Variants in TBX5 observed in about 807,000 individuals in gnomAD.
TBX5 encodes T-box transcription factor 5, also known as T-box transcription factor TBX5.
TBX5 carries 8 observed loss-of-function variants against 51.1 expected under a neutral mutation model. That is an observed-to-expected ratio of 0.16 (90% CI 0.09 to 0.28). The LOEUF is 0.28. Ranked by LOEUF, TBX5 falls within the 10% of genes least tolerant of loss-of-function variation. The pLI, the probability that TBX5 is intolerant of heterozygous loss-of-function variation, is 1.00. For synonymous variants in TBX5, 302 were observed against 266.4 expected, an observed-to-expected ratio of 1.13 and a Z score of -1.30; for missense variants, 589 against 671.7, an observed-to-expected ratio of 0.88 and a Z score of 1.36.
intron 5 of TBX5, among the ~76,000 whole-genome samples, chr12:114,398,061 G>A (rs1336938941): frequency 6.6e-6 from 1 of 152,220 alleles, no homozygotes; most frequent in Non-Finnish European, 1.5e-5. Context: ...CCTAACCACA[G>A]ATCGAATTCA....
intron 7 of TBX5, among the ~76,000 whole-genome samples, chr12:114,371,597 T>G (rs1292430518): frequency 6.6e-6 from 1 of 150,900 alleles, no homozygotes; most frequent in Non-Finnish European, 1.5e-5. Context: ...GTTTTTTTTT[T>G]TTTTTTTTTC....
At chr12:114,384,370 G>C (rs1001485908) in intron 7 of TBX5, among the ~76,000 whole-genome samples, 1 of 151,948 alleles carries the variant, frequency 6.6e-6, no homozygotes. Context: ...CAAATTCCTG[G>C]GTTCAAGAAA....
At chr12:114,407,995 G>A (rs111233014), upstream of TBX5, 424 of 985,394 alleles carry the variant, frequency 4.3e-4, 1 homozygote, top group African/African-American at 6.9e-3. Context: ...TGTGGTCTCC[G>A]ACAAATTAAA....
intron 3 of TBX5, among the ~76,000 whole-genome samples, chr12:114,400,957 G>C (rs1871775092): frequency 6.6e-6 from 1 of 152,208 alleles, no homozygotes; most frequent in African/African-American, 2.4e-5. Context: ...GGTGGCTTGG[G>C]CCTACCGTTC....
In TBX5 at chr12:114,394,805, G is replaced by A. The variant is rs370771953; in HGVS notation, c.599C>T (p.Ala200Val). ...ENNGFGSKNT[A>V]FCTHVFPETA... is the part of the protein sequence containing the mutation. ...CTCAGGAAAGACGTGAGTGCAGAAC[G>A]CTGTATTTTTTGAGCCAAATCCATT... The change falls in exon 6 of 9, where the codon GCG (alanine) becomes GTG (valine). Residue 200 changes from alanine (A) to valine (V), a missense_variant. Around this residue, in one of 7 missense-constraint regions of TBX5, gnomAD observed 17 missense variants for 17.6 expected, o/e 0.96. Coordinates refer to ENST00000405440, the MANE Select transcript of TBX5 (RefSeq NM_181486.4). 9 of 1,614,038 alleles carry A rather than the reference G, an allele frequency of 5.6e-6. No homozygotes were observed. Among genetic ancestry groups the A allele is most frequent in the Non-Finnish European group, 5.9e-6 (7 of 1,180,042 alleles).
intron 8 of TBX5, among the ~76,000 whole-genome samples, chr12:114,358,089 G>A (rs759467873): frequency 2.6e-5 from 4 of 152,238 alleles, no homozygotes; most frequent in African/African-American, 4.8e-5. Flanking sequence ...ACATGGCTGA[G>A]AAGGAACAGA....
chr12:114,389,054 G>A (rs929000854), intron 6 of TBX5, among the ~76,000 whole-genome samples: 6 of 151,824 alleles, frequency 4.0e-5, no homozygotes, highest in Non-Finnish European at 5.9e-5. Context: ...TCAGCCTCCC[G>A]AGTAGCTGAG....
In TBX5 at chr12:114,394,780, C is replaced by T; in HGVS notation, c.624G>A (p.Glu208=). The part of the protein sequence containing the change: ...NTAFCTHVFP[E]TAFIAVTSYQ... Reference sequence around the variant, plus strand: ...AGGAAGTCACTGCTATAAACGCAGTCTCAGGAAAGACGTGAGTGCAGAACG... The same window carrying T: ...AGGAAGTCACTGCTATAAACGCAGTTTCAGGAAAGACGTGAGTGCAGAACG... The change falls in exon 6 of 9, where the codon GAG becomes GAA. Residue 208 remains glutamate, a synonymous_variant. Transcript: ENST00000405440. 6.2e-7 allele frequency: 1 copy of T among 1,614,154 alleles called. No individual in the cohort carries two copies. The highest frequency in any genetic ancestry group is 8.5e-7 in the Non-Finnish European group (1 of 1,180,036).
At chr12:114,396,437 T>C (rs1268941846) in intron 5 of TBX5, among the ~76,000 whole-genome samples, 1 of 151,904 alleles carries the variant, frequency 6.6e-6, no homozygotes, top group Non-Finnish European at 1.5e-5. Flanking sequence ...TTAGGCCGGC[T>C]CTGAATTAAA....
chr12:114,406,980 T>C (rs1428819694), upstream of TBX5: 3 of 881,432 alleles, frequency 3.4e-6, no homozygotes, highest in Non-Finnish European at 4.1e-6. Flanking sequence ...AGTCCTGTTC[T>C]GTTTCCCATC....
intron 2 of TBX5, 69 bp from the exon 3 acceptor site, chr12:114,401,989 C>T (rs1477380291): frequency 2.9e-6 from 4 of 1,370,680 alleles, no homozygotes; most frequent in African/African-American, 2.9e-5. Flanking sequence ...CCCAAACTCC[C>T]CCAAAACACA....
At chr12:114,393,280 G>A (rs541952427) in intron 6 of TBX5, among the ~76,000 whole-genome samples, 1 of 79,432 alleles carries the variant, frequency 1.3e-5, no homozygotes, top group South Asian at 3.6e-4. Flanking sequence ...AAAGGGAGGG[G>A]CACACCATCT....
At chr12:114,398,462 G>T in intron 5 of TBX5, 111 bp downstream of exon 5, 3 of 1,466,198 alleles carry the variant, frequency 2.0e-6, no homozygotes, top group Non-Finnish European at 2.8e-6. Flanking sequence ...ATGGAGGAAA[G>T]AAAAGGAGAA....
chr12:114,366,913 G>C (rs1869570994), intron 7 of TBX5, among the ~76,000 whole-genome samples: 1 of 152,190 alleles, frequency 6.6e-6, no homozygotes. Flanking sequence ...ATTGCTGCTA[G>C]TGTCAGAATT....
At chr12:114,398,837 A>G in intron 4 of TBX5, 117 bp from the exon 5 acceptor site, 1 of 1,272,040 alleles carries the variant, frequency 7.9e-7, no homozygotes, top group South Asian at 1.3e-5. Flanking sequence ...AGCTGGGAAT[A>G]ATCTGGAGGC....
intron 7 of TBX5, among the ~76,000 whole-genome samples, chr12:114,369,510 G>C (rs773266183): frequency 6.6e-6 from 1 of 152,162 alleles, no homozygotes; most frequent in South Asian, 2.1e-4. Context: ...GCATGGAATG[G>C]GGAAGTGACT....
chr12:114,389,789 A>AAAAAAT (rs1871058412), intron 6 of TBX5, among the ~76,000 whole-genome samples: 3 of 126,226 alleles, frequency 2.4e-5, no homozygotes, highest in African/African-American at 9.1e-5. Context: ...AAAAAAAAAA[A>AAAAAAT]GTGGATGAAG....
intron 7 of TBX5, among the ~76,000 whole-genome samples, chr12:114,384,746 A>ACACACACAC (rs1870707785): frequency 4.4e-5 from 2 of 45,100 alleles, no homozygotes; most frequent in Admixed American, 3.1e-4. Context: ...CACACACACA[A>ACACACACAC]CACACACACA....
chr12:114,384,385 C>T (rs1212224378), intron 7 of TBX5, among the ~76,000 whole-genome samples: 1 of 152,086 alleles, frequency 6.6e-6, no homozygotes, highest in Non-Finnish European at 1.5e-5. Flanking sequence ...AAGAAATCCT[C>T]CTGCCTCGGC....
Sources: gnomAD v4.1 joint callset for allele counts (sites outside exome capture counted in the v4.1 genomes callset) on GRCh38, gnomAD v4.1.1 for gene constraint, gnomAD v4.1.1 regional missense constraint, MANE v1.5 for transcripts, NCBI Gene and HGNC (gene_info 2026-07-23, HGNC 2026-07-21) for gene names.